The following TNIK variants were observed in gnomAD, a reference collection of about 807,000 sequenced individuals.
TNIK encodes the protein TRAF2 and NCK interacting kinase.
In TNIK, 49 loss-of-function variants were observed where a neutral mutation model predicts 191.3. That is an observed-to-expected ratio of 0.26 (90% CI 0.20 to 0.32). TNIK has a LOEUF of 0.32. Ranked by LOEUF, TNIK falls within the 10% of genes least tolerant of loss-of-function variation. TNIK has a pLI of 1.00. For missense variants in TNIK, 1,155 were observed against 1,702.3 expected (o/e 0.68, Z 5.66); for synonymous variants, 594 against 600.9 (o/e 0.99, Z 0.17).
intron 2 of TNIK, among the ~76,000 whole-genome samples, chr3:171,277,443 C>T (rs966499749): frequency 4.0e-5 from 6 of 151,640 alleles, no homozygotes; most frequent in South Asian, 2.1e-4. Context: ...GGAACAGGTT[C>T]GGGAAGTATT....
chr3:171,131,337 C>T (rs1291461060), intron 15 of TNIK, among the ~76,000 whole-genome samples: 1 of 23,138 alleles, frequency 4.3e-5, no homozygotes, highest in Non-Finnish European at 1.1e-4. Context: ...GACTCCGTCT[C>T]AAAAAAAAAA....
chr3:171,187,194 C>A (rs1737469491), intron 7 of TNIK, among the ~76,000 whole-genome samples: 1 of 152,184 alleles, frequency 6.6e-6, no homozygotes, highest in African/African-American at 2.4e-5. Flanking sequence ...TGTAGCTAAT[C>A]ATGATACCCA....
In TNIK at chr3:171,082,380, C is replaced by A. The variant is rs759263287; in HGVS notation, c.3184G>T (p.Val1062Leu). ...AGCATCAGGCCATTTTCAGTCCCCA[C>A]CAGAAGGTTTACACCTGTAAATTTA... is the stretch of plus-strand genomic sequence containing the variant. ...CAALWGVNLLVGTENGLMLLD... is the reference protein window; with the variant it reads ...CAALWGVNLLLGTENGLMLLD... The change falls in exon 27 of 33, where the codon GTG (valine) becomes TTG (leucine). Residue 1062 changes from valine (V) to leucine (L), a missense_variant. By Grantham distance (32) the Val-to-Leu change is conservative. Around this residue, in one of 3 missense-constraint regions of TNIK, gnomAD observed 195 missense variants for 415.4 expected, o/e 0.47. Coordinates refer to ENST00000436636, the MANE Select transcript of TNIK (RefSeq NM_015028.4). 2 of 1,613,848 alleles carry A rather than the reference C, an allele frequency of 1.2e-6. No homozygotes were observed. Among genetic ancestry groups the A allele is most frequent in the South Asian group, 2.2e-5 (2 of 91,056 alleles).
chr3:171,126,193 A>G (rs770692895), intron 16 of TNIK, 42 bp from the exon 17 acceptor site: 1 of 1,500,300 alleles, frequency 6.7e-7, no homozygotes, highest in East Asian at 2.3e-5. Flanking sequence ...ATTAGAAGAA[A>G]AAAGAGATCA....
In TNIK at chr3:171,084,344, G is replaced by C. The variant is rs1721073297; in HGVS notation, c.2999-19C>G. On this transcript the variant is annotated intron_variant, in intron 25 of 32. Coordinates refer to ENST00000436636, the MANE Select transcript of TNIK (RefSeq NM_015028.4). ...AACAGAGCTTTGAGAAAAAGAATCA[G>C]AGAAGTCAGTGACATCTTAAAAGAT... The C allele has an allele frequency of 6.2e-7, 1 of 1,605,000 alleles. No homozygotes were observed. The highest frequency in any genetic ancestry group is 8.5e-7 in the Non-Finnish European group (1 of 1,173,602).
At chr3:171,459,835 C>T (rs1729251744) in intron 1 of TNIK, among the ~76,000 whole-genome samples, 172 bp downstream of exon 1, 1 of 151,968 alleles carries the variant, frequency 6.6e-6, no homozygotes, top group Admixed American at 6.5e-5. Context: ...GCCGTAGGGG[C>T]TCAGCCAGGA....
chr3:171,412,997 C>G (rs1722600458), intron 1 of TNIK, among the ~76,000 whole-genome samples: 1 of 152,158 alleles, frequency 6.6e-6, no homozygotes, highest in East Asian at 1.9e-4. Flanking sequence ...GCAAACTATA[C>G]CTTGGCGAGA....
intron 2 of TNIK, among the ~76,000 whole-genome samples, chr3:171,280,600 T>TACC (rs1750312952): frequency 6.6e-6 from 1 of 151,386 alleles, no homozygotes; most frequent in African/African-American, 2.4e-5. Flanking sequence ...TTCCTGTTGA[T>TACC]ACCAACTTGA....
intron 22 of TNIK, among the ~76,000 whole-genome samples, chr3:171,095,225 GC>G (rs1422669541): frequency 1.3e-5 from 2 of 152,198 alleles, no homozygotes; most frequent in Non-Finnish European, 2.9e-5. Flanking sequence ...GTAGCACAGA[GC>G]ACAGTGCCAG....
chr3:171,186,682 T>A (rs928892969), intron 7 of TNIK, among the ~76,000 whole-genome samples: 7 of 152,174 alleles, frequency 4.6e-5, no homozygotes, highest in Non-Finnish European at 8.8e-5. Context: ...CTTTATTTTT[T>A]AAAAAAACAC....
intron 15 of TNIK, among the ~76,000 whole-genome samples, chr3:171,129,251 T>C (rs1223492548): frequency 2.6e-5 from 4 of 152,150 alleles, no homozygotes; most frequent in Non-Finnish European, 5.9e-5. Flanking sequence ...AAGGGAATGG[T>C]AGCATGCATT....
chr3:171,272,726 T>G (rs963048606), intron 2 of TNIK, among the ~76,000 whole-genome samples: 1 of 152,236 alleles, frequency 6.6e-6, no homozygotes, highest in Non-Finnish European at 1.5e-5. Context: ...TCTGGTTACT[T>G]ATCGTTTTTC....
intron 1 of TNIK, among the ~76,000 whole-genome samples, chr3:171,434,480 CAA>C (rs1725778157): frequency 6.6e-6 from 1 of 151,298 alleles, no homozygotes; most frequent in African/African-American, 2.4e-5. Flanking sequence ...TTTTTTGAGA[CAA>C]AGTCTTGCTC....
rs571521073 is a variant in TNIK at position 171,168,216 on chromosome 3, A to G, written c.774-946T>C. 5.9e-5 allele frequency among the ~76,000 whole-genome samples: 9 copies of G among 152,356 alleles called. No individual in the cohort carries two copies. The South Asian group carries it at 1.9e-3, about 32-fold the overall frequency. ...TCCAAGAAATTGTTCAGAGTCATCA[A>G]TAATTAAGCTTATGACTCTATAGCA... On this transcript the variant is annotated intron_variant, in intron 9 of 32. Transcript: ENST00000436636.
intron 31 of TNIK, 86 bp downstream of exon 31, chr3:171,066,490 G>C (rs1166151822): frequency 7.0e-7 from 1 of 1,437,638 alleles, no homozygotes; most frequent in Admixed American, 2.2e-5. Flanking sequence ...TTTTTTTGTG[G>C]AATCAAATGG....
chr3:171,365,260 A>G (rs4894561), intron 2 of TNIK, among the ~76,000 whole-genome samples: 130,050 of 147,674 alleles, frequency 0.88, 57,296 homozygotes, highest in Non-Finnish European at 0.92. Flanking sequence ...TCAGCTCACC[A>G]GAACCTCTGC....
At chr3:171,173,257 A>G (rs1340747632) in intron 9 of TNIK, among the ~76,000 whole-genome samples, 1 of 151,174 alleles carries the variant, frequency 6.6e-6, no homozygotes, top group Non-Finnish European at 1.5e-5. Flanking sequence ...TTAGCAGGGC[A>G]TGGTGGCGGG....
chr3:171,256,121 T>A (rs1746833459), intron 2 of TNIK, among the ~76,000 whole-genome samples: 1 of 152,138 alleles, frequency 6.6e-6, no homozygotes, highest in Non-Finnish European at 1.5e-5. Flanking sequence ...AAGTACCCAA[T>A]GGTCCTCTTC....
At chr3:171,456,038 G>T (rs1470815319) in intron 1 of TNIK, among the ~76,000 whole-genome samples, 3 of 152,208 alleles carry the variant, frequency 2.0e-5, no homozygotes, top group African/African-American at 7.2e-5. Flanking sequence ...TTTCAATGGA[G>T]AAAGGAATGG....
Sources: allele counts gnomAD v4.1 joint callset (sites outside exome capture counted in the v4.1 genomes callset), GRCh38; gene constraint gnomAD v4.1.1; regional missense constraint gnomAD v4.1.1; transcripts MANE v1.5; gene names NCBI Gene and HGNC (gene_info 2026-07-23, HGNC 2026-07-21).